The following MYO5A variants were observed in gnomAD, a reference collection of about 807,000 sequenced individuals.
MYO5A encodes unconventional myosin-Va.
MYO5A carries 98 observed loss-of-function variants against 249.7 expected under a neutral mutation model. The observed-to-expected ratio is 0.39, with a 90% CI of 0.33 to 0.46. MYO5A has a LOEUF of 0.46. Ranked by LOEUF, MYO5A falls within the 20% of genes least tolerant of loss-of-function variation. MYO5A has a pLI of 0.98. For missense variants in MYO5A, 1,696 were observed against 2,308.8 expected (o/e 0.73, Z 5.44); for synonymous variants, 778 against 810.6 (o/e 0.96, Z 0.68).
intron 11 of MYO5A, among the ~76,000 whole-genome samples, chr15:52,393,451 T>C (rs1567083454): frequency 6.6e-6 from 1 of 151,770 alleles, no homozygotes; most frequent in Non-Finnish European, 1.5e-5. Context: ...TGGAGTGCAG[T>C]GGCACAGTCT....
At chr15:52,459,627 T>C (rs1278436571) in intron 1 of MYO5A, among the ~76,000 whole-genome samples, 1 of 152,228 alleles carries the variant, frequency 6.6e-6, no homozygotes, top group Non-Finnish European at 1.5e-5. Flanking sequence ...TTTCCCCCTT[T>C]TCTATTCGAC....
At chr15:52,433,397 G>T in intron 1 of MYO5A, 112 bp from the exon 2 acceptor site, 1 of 521,814 alleles carries the variant, frequency 1.9e-6, no homozygotes, top group Non-Finnish European at 3.5e-6. Flanking sequence ...AGAAATCTTG[G>T]CCAACATGAA....
At chr15:52,330,539 T>C (rs774615330) in intron 34 of MYO5A, 40 bp from the exon 35 acceptor site, 1 of 1,611,858 alleles carries the variant, frequency 6.2e-7, no homozygotes, top group African/African-American at 1.3e-5. Flanking sequence ...ATGTTTTCCA[T>C]ATAAAAAACA....
At chr15:52,438,610 T>C (rs1032169628) in intron 1 of MYO5A, among the ~76,000 whole-genome samples, 1 of 152,162 alleles carries the variant, frequency 6.6e-6, no homozygotes, top group Non-Finnish European at 1.5e-5. Flanking sequence ...ACCCGAGCCA[T>C]CAGAGAGCTC....
intron 1 of MYO5A, among the ~76,000 whole-genome samples, chr15:52,456,152 T>C (rs867529996): frequency 1.3e-5 from 2 of 152,046 alleles, no homozygotes; most frequent in Non-Finnish European, 2.9e-5. Flanking sequence ...ACCAGTAACA[T>C]TTATATATGC....
chr15:52,462,428 A>G (rs2076271534), intron 1 of MYO5A, among the ~76,000 whole-genome samples: 1 of 152,210 alleles, frequency 6.6e-6, no homozygotes, highest in African/African-American at 2.4e-5. Flanking sequence ...AAGATCACCG[A>G]GAGAAATCCT....
At chr15:52,426,904 GGGAAGAAAGACAGTAA>G (rs1357451743) in intron 3 of MYO5A, among the ~76,000 whole-genome samples, 1 of 151,876 alleles carries the variant, frequency 6.6e-6, no homozygotes, top group Non-Finnish European at 1.5e-5. Flanking sequence ...AAATAATGCA[GGGAAGAAAGACAGTAA>G]GGAGGGGTTT....
intron 32 of MYO5A, among the ~76,000 whole-genome samples, chr15:52,338,669 C>A (rs925185968): frequency 1.1e-4 from 16 of 152,170 alleles, no homozygotes; most frequent in African/African-American, 3.4e-4. Context: ...TCCCCAAACT[C>A]AAATTCATTA....
intron 34 of MYO5A, among the ~76,000 whole-genome samples, chr15:52,334,202 A>G (rs1360390555): frequency 6.6e-6 from 1 of 152,268 alleles, no homozygotes; most frequent in Non-Finnish European, 1.5e-5. Flanking sequence ...TATACATATC[A>G]AAGAAAACTA....
intron 9 of MYO5A, among the ~76,000 whole-genome samples, chr15:52,402,455 G>C (rs1343042882): frequency 6.6e-6 from 1 of 152,052 alleles, no homozygotes; most frequent in East Asian, 1.9e-4. Context: ...TAGCTCACTT[G>C]GCTATGAAAC....
chr15:52,335,792 A>G (rs904445558), intron 34 of MYO5A, among the ~76,000 whole-genome samples: 1 of 152,106 alleles, frequency 6.6e-6, no homozygotes, highest in Non-Finnish European at 1.5e-5. Flanking sequence ...TTTTTCCTCC[A>G]TTAGACTGTA....
chr15:52,366,961 C>T, intron 23 of MYO5A, 70 bp downstream of exon 23: 1 of 1,242,400 alleles, frequency 8.0e-7, no homozygotes, highest in Non-Finnish European at 1.2e-6. Flanking sequence ...TGTAACTCAT[C>T]AAATGACATT....
chr15:52,497,061 A>G (rs2077052480), intron 1 of MYO5A, among the ~76,000 whole-genome samples: 1 of 152,214 alleles, frequency 6.6e-6, no homozygotes, highest in Non-Finnish European at 1.5e-5. Flanking sequence ...TCTCAGGCTC[A>G]AGCGATTCTC....
At chr15:52,414,653 T>C (rs2043397821) in intron 5 of MYO5A, among the ~76,000 whole-genome samples, 1 of 152,196 alleles carries the variant, frequency 6.6e-6, no homozygotes, top group Non-Finnish European at 1.5e-5. Context: ...ATTCTAATGC[T>C]AGGGACTAAA....
intron 24 of MYO5A, among the ~76,000 whole-genome samples, chr15:52,361,164 G>A (rs2040504649): frequency 6.6e-6 from 1 of 152,162 alleles, no homozygotes; most frequent in Non-Finnish European, 1.5e-5. Flanking sequence ...TCCAGAAGCT[G>A]GGGTGCACAC....
chr15:52,486,851 CT>C (rs1249267086), intron 1 of MYO5A, among the ~76,000 whole-genome samples: 1 of 152,122 alleles, frequency 6.6e-6, no homozygotes, highest in Non-Finnish European at 1.5e-5. Flanking sequence ...AACTGAGGCT[CT>C]ATAGAAGATT....
At chr15:52,368,628 G>T (rs1229908124) in intron 22 of MYO5A, among the ~76,000 whole-genome samples, 1 of 152,150 alleles carries the variant, frequency 6.6e-6, no homozygotes, top group Non-Finnish European at 1.5e-5. Flanking sequence ...AATGGGGCCA[G>T]GCGCAGTGGC....
chr15:52,483,668 T>C (rs1422889866), intron 1 of MYO5A, among the ~76,000 whole-genome samples: 1 of 152,176 alleles, frequency 6.6e-6, no homozygotes, highest in East Asian at 1.9e-4. Flanking sequence ...CAACATTCTA[T>C]GGATTAAGGT....
chr15:52,394,671 ACATG>A (rs2042405983), intron 11 of MYO5A, among the ~76,000 whole-genome samples: 1 of 152,216 alleles, frequency 6.6e-6, no homozygotes, highest in African/African-American at 2.4e-5. Context: ...ACCAAAACAC[ACATG>A]CAGACAGGAG....
Sources: allele counts gnomAD v4.1 joint callset (sites outside exome capture counted in the v4.1 genomes callset), GRCh38; gene constraint gnomAD v4.1.1; transcripts MANE v1.5; gene names NCBI Gene and HGNC (gene_info 2026-07-23, HGNC 2026-07-21).